CHST8: variants seen among roughly 807,000 people sequenced by gnomAD.
CHST8 encodes GALNAC-4-ST1.
Under a neutral mutation model 15.0 loss-of-function variants are expected in CHST8, and 10 were observed. The observed-to-expected ratio is 0.67, with a 90% CI of 0.41 to 1.13. The LOEUF (loss-of-function observed/expected upper bound fraction) is 1.13, where lower values mean the gene tolerates loss of function less well. CHST8 is among the 50% of genes most tolerant of loss of function. CHST8 has a pLI of 0.00. For missense variants in CHST8, 634 were observed against 608.2 expected (o/e 1.04, Z -0.45); for synonymous variants, 259 against 256.6 (o/e 1.01, Z -0.09).
chr19:33,640,300 A>T (rs1215514406), intron 1 of CHST8, among the ~76,000 whole-genome samples: 1 of 152,178 alleles, frequency 6.6e-6, no homozygotes, highest in East Asian at 1.9e-4. Flanking sequence ...TTATAACTAT[A>T]TTTCTGTCCA....
chr19:33,650,495 CTTTTTCTTTTTCTTTTTCTTTTCTTTT>C (rs1972424648), intron 1 of CHST8, among the ~76,000 whole-genome samples: 2 of 44,102 alleles, frequency 4.5e-5, no homozygotes, highest in African/African-American at 1.8e-4. Context: ...TTTTTCTTTT[CTTTTTCTTTTTCTTTTTCTTTTCTTTT>C]TTTTTTTTTT....
chr19:33,664,221 A>T (rs546345018), intron 1 of CHST8, among the ~76,000 whole-genome samples: 1 of 152,216 alleles, frequency 6.6e-6, no homozygotes, highest in East Asian at 1.9e-4. Context: ...AGATATATGG[A>T]TTTAGAACTG....
intron 1 of CHST8, among the ~76,000 whole-genome samples, chr19:33,635,310 C>T (rs1168413568): frequency 6.6e-6 from 1 of 152,126 alleles, no homozygotes; most frequent in Non-Finnish European, 1.5e-5. Flanking sequence ...TCAAGTTTAG[C>T]AGAACTACTG....
chr19:33,631,819 G>A (rs892086458), intron 1 of CHST8, among the ~76,000 whole-genome samples: 1 of 152,148 alleles, frequency 6.6e-6, no homozygotes, highest in Non-Finnish European at 1.5e-5. Flanking sequence ...CTGGGACCTG[G>A]AGTCAGACCA....
intron 1 of CHST8, among the ~76,000 whole-genome samples, chr19:33,626,265 T>C (rs2145431271): frequency 6.6e-6 from 1 of 152,160 alleles, no homozygotes; most frequent in East Asian, 1.9e-4. Context: ...ATTTGTGATG[T>C]GGTGTTCTAG....
intron 3 of CHST8, among the ~76,000 whole-genome samples, chr19:33,757,460 A>G (rs369409800): frequency 0.014 from 543 of 38,786 alleles, 52 homozygotes; most frequent in Non-Finnish European, 0.019. Flanking sequence ...GAAAGAAAGA[A>G]AGAAAGAAAG....
intron 1 of CHST8, among the ~76,000 whole-genome samples, chr19:33,625,849 G>GA (rs1234723601): frequency 6.6e-6 from 1 of 152,166 alleles, no homozygotes; most frequent in Non-Finnish European, 1.5e-5. Flanking sequence ...GCGACAAAGC[G>GA]AGACTGTCTC....
At chr19:33,696,504 T>C (rs779607521) in intron 3 of CHST8, among the ~76,000 whole-genome samples, 1 of 152,128 alleles carries the variant, frequency 6.6e-6, no homozygotes. Flanking sequence ...GAGAATCTAA[T>C]ACCTGATGAT....
chr19:33,660,316 C>T (rs112000775), intron 1 of CHST8, among the ~76,000 whole-genome samples: 3,036 of 152,198 alleles, frequency 0.02, 47 homozygotes, highest in African/African-American at 0.042. Flanking sequence ...TCCAGCCTCA[C>T]GCTTACTGGA....
chr19:33,699,087 C>T (rs1184664507), intron 3 of CHST8, among the ~76,000 whole-genome samples: 1 of 152,214 alleles, frequency 6.6e-6, no homozygotes, highest in African/African-American at 2.4e-5. Flanking sequence ...TCATGCTTTT[C>T]AGCCCAAACC....
At chr19:33,654,791 C>A (rs976231674) in intron 1 of CHST8, among the ~76,000 whole-genome samples, 28 of 152,224 alleles carry the variant, frequency 1.8e-4, no homozygotes, top group Non-Finnish European at 1.0e-4. Context: ...AGTTCTAGTT[C>A]CTCATCTTAT....
At chr19:33,638,656 C>G (rs1232398315) in intron 1 of CHST8, among the ~76,000 whole-genome samples, 1 of 152,168 alleles carries the variant, frequency 6.6e-6, no homozygotes, top group African/African-American at 2.4e-5. Flanking sequence ...CAATTCCATT[C>G]AAATTCTGTC....
intron 3 of CHST8, among the ~76,000 whole-genome samples, chr19:33,752,802 T>C (rs1470821540): frequency 6.6e-6 from 1 of 152,226 alleles, no homozygotes; most frequent in African/African-American, 2.4e-5. Flanking sequence ...TAAAAGGTTA[T>C]TTTTGCTTCT....
At chr19:33,714,722 C>T (rs751308348) in intron 3 of CHST8, among the ~76,000 whole-genome samples, 10 of 152,150 alleles carry the variant, frequency 6.6e-5, no homozygotes, top group Admixed American at 3.3e-4. Flanking sequence ...GTGCTGTTCT[C>T]GTGATAGTGA....
At chr19:33,631,460 T>C (rs1178289819) in intron 1 of CHST8, among the ~76,000 whole-genome samples, 1 of 152,192 alleles carries the variant, frequency 6.6e-6, no homozygotes, top group African/African-American at 2.4e-5. Flanking sequence ...GGCTACCTGC[T>C]GTCAGTGGTC....
At position 33,772,992 on chromosome 19, in the gene CHST8, C is replaced by T. The variant is rs1389671290; in HGVS notation, c.1204C>T (p.Arg402Cys). 3.7e-6 allele frequency: 6 copies of T among 1,613,258 alleles called. No homozygotes were observed. Among genetic ancestry groups the T allele is most frequent in the African/African-American group, 2.7e-5 (2 of 75,076 alleles). ...FAQLSALQRQ[R>C]TYDFYYMDYL... is the part of the protein sequence containing the mutation. ...CCAACTCTCGGCCCTGCAAAGGCAG[C>T]GCACCTACGACTTCTACTACATGGA... is the stretch of plus-strand genomic sequence containing the variant. Residue 402 changes from arginine (R) to cysteine (C), a missense_variant, in exon 5 of 5, where the codon CGC becomes TGC. Arg to Cys is a radical substitution (Grantham distance 180). Transcript: ENST00000650847.
chr19:33,667,678 T>C (rs963759813), intron 1 of CHST8, 89 bp from the exon 2 acceptor site: 1 of 152,184 alleles, frequency 6.6e-6, no homozygotes, highest in African/African-American at 2.4e-5. Context: ...CCCCTCATAA[T>C]TACATCCTCT....
At chr19:33,627,363 C>T (rs573498337) in intron 1 of CHST8, among the ~76,000 whole-genome samples, 5 of 152,092 alleles carry the variant, frequency 3.3e-5, no homozygotes, top group South Asian at 4.1e-4. Flanking sequence ...CTGCCCATCT[C>T]GGGCTCCCAA....
intron 1 of CHST8, among the ~76,000 whole-genome samples, chr19:33,640,807 C>T (rs781270313): frequency 1.8e-4 from 28 of 152,126 alleles, no homozygotes; most frequent in Non-Finnish European, 3.8e-4. Flanking sequence ...GTGGGGTGCT[C>T]CACGACGCCT....
Sources: allele counts gnomAD v4.1 joint callset (sites outside exome capture counted in the v4.1 genomes callset), GRCh38; gene constraint gnomAD v4.1.1; transcripts MANE v1.5; gene names NCBI Gene and HGNC (gene_info 2026-07-23, HGNC 2026-07-21).